Variants in CD96 observed in about 807,000 individuals in gnomAD.
CD96 encodes T-cell surface protein tactile.
Under a neutral mutation model 71.3 loss-of-function variants are expected in CD96, and 70 were observed. That is an observed-to-expected ratio of 0.98 (90% CI 0.81 to 1.20). The LOEUF is 1.20. Among genes scored for constraint, CD96 ranks in the 50% most tolerant of loss-of-function variants. CD96 has a pLI of 0.00. For missense variants in CD96, 742 were observed against 677.5 expected, an observed-to-expected ratio of 1.10 and a Z score of -1.06; for synonymous variants, 248 against 233.0, an observed-to-expected ratio of 1.06 and a Z score of -0.59.
chr3:111,597,683 A>G (rs961874683), intron 5 of CD96, among the ~76,000 whole-genome samples: 5 of 152,252 alleles, frequency 3.3e-5, no homozygotes, highest in African/African-American at 1.2e-4. Flanking sequence ...AGTGTCGTAC[A>G]TTATTTGGAG....
intron 4 of CD96, among the ~76,000 whole-genome samples, chr3:111,582,074 C>G (rs1466721708): frequency 6.6e-6 from 1 of 152,200 alleles, no homozygotes; most frequent in Non-Finnish European, 1.5e-5. Flanking sequence ...TCTACCATCT[C>G]TCCATCTGTA....
chr3:111,659,504 T>G (rs1456299142), intron 14 of CD96, among the ~76,000 whole-genome samples: 1 of 152,230 alleles, frequency 6.6e-6, no homozygotes, highest in Non-Finnish European at 1.5e-5. Context: ...CTTTAAACTT[T>G]CCTCTTAACA....
intron 8 of CD96, among the ~76,000 whole-genome samples, chr3:111,620,909 C>T (rs1204995171): frequency 6.6e-6 from 1 of 152,164 alleles, no homozygotes; most frequent in Non-Finnish European, 1.5e-5. Flanking sequence ...CCTGCAGTAA[C>T]CCTTGAGAAA....
chr3:111,640,159 C>T (rs1233853587), intron 12 of CD96, among the ~76,000 whole-genome samples: 1 of 151,994 alleles, frequency 6.6e-6, no homozygotes, highest in East Asian at 1.9e-4. Flanking sequence ...AGAAAGAATT[C>T]AGGAGATTAG....
At chr3:111,656,241 T>C, downstream of CD96, among the ~76,000 whole-genome samples, 1 of 152,242 alleles carries the variant, frequency 6.6e-6, no homozygotes, top group South Asian at 2.1e-4. Context: ...AAATGACTCT[T>C]AATCATTTGA....
At chr3:111,561,913 G>A (rs1305321363) in intron 2 of CD96, among the ~76,000 whole-genome samples, 1 of 149,218 alleles carries the variant, frequency 6.7e-6, no homozygotes, top group Admixed American at 6.6e-5. Flanking sequence ...GTCTCGTGGT[G>A]CGCCGTTTTT....
At chr3:111,566,649 T>C (rs1935727004) in intron 2 of CD96, among the ~76,000 whole-genome samples, 1 of 152,186 alleles carries the variant, frequency 6.6e-6, no homozygotes, top group Non-Finnish European at 1.5e-5. Context: ...TGCTATAGTT[T>C]AGTCACAAAT....
At position 111,578,206 on chromosome 3, in the gene CD96, C is replaced by T. The variant is rs567062206; in HGVS notation, c.544-821C>T. ...CCCTAGTGAGCACTTTTATTGACAT[C>T]AACCAACACTGTGACACCCCAGGGA... On this transcript the variant is annotated intron_variant, in intron 3 of 13. Transcript: ENST00000352690. Among the ~76,000 whole-genome samples, 8 of 152,300 alleles carry T rather than the reference C, an allele frequency of 5.3e-5. No homozygotes were observed. In the South Asian group the frequency reaches 6.2e-4, roughly 12 times the overall value.
At position 111,567,648 on chromosome 3, in the gene CD96, G is replaced by A; in HGVS notation, c.543+1G>A. ...TGAGTTCACCTATGCATGGTCGGTG[G>A]TAAGTGTTGCCCTTTTCAGTGAATA... On this transcript the variant is annotated splice_donor_variant, in intron 3 of 13. Transcript: ENST00000352690. LOFTEE classifies it high-confidence loss of function. 6.2e-7 allele frequency: 1 copy of A among 1,613,000 alleles called. No individual in the cohort carries two copies. The highest frequency in any genetic ancestry group is 1.1e-5 in the South Asian group (1 of 91,056).
chr3:111,622,292 T>C (rs1938552925), intron 8 of CD96, among the ~76,000 whole-genome samples: 1 of 152,222 alleles, frequency 6.6e-6, no homozygotes, highest in African/African-American at 2.4e-5. Context: ...TCAAGTGGCC[T>C]ATAGTTAGAA....
At position 111,596,522 on chromosome 3, in the gene CD96, C is replaced by T. The variant is rs1189654396; in HGVS notation, c.808-1598C>T. ...CGTAAAATAATAACACCCCCACTTA[C>T]TCCTGATATTACCATATCGTCATCT... On this transcript the variant is annotated intron_variant, in intron 5 of 13. Transcript: ENST00000352690. Among the ~76,000 whole-genome samples, 5 of 152,190 alleles carry T rather than the reference C, an allele frequency of 3.3e-5. No homozygotes were observed. The South Asian group carries it at 1.0e-3, about 32-fold the overall frequency.
At chr3:111,622,774 A>G (rs1938574869) in intron 8 of CD96, among the ~76,000 whole-genome samples, 1 of 152,176 alleles carries the variant, frequency 6.6e-6, no homozygotes, top group Admixed American at 6.5e-5. Context: ...TAATCACAAC[A>G]AAAAGAATAA....
rs1198318185 is a variant in CD96, at chr3:111,651,500, C to T, written c.*1694C>T. Reference sequence around the variant, plus strand: ...GGCTAGGTCACAAAATACACTGTGGCTTCTTCTTTGATCTCTCTTTGACCA... The same window carrying T: ...GGCTAGGTCACAAAATACACTGTGGTTTCTTCTTTGATCTCTCTTTGACCA... On this transcript the variant is annotated 3_prime_UTR_variant, in exon 14 of 14. Coordinates refer to ENST00000352690, the MANE Select transcript of CD96 (RefSeq NM_005816.5). 1 of 152,242 alleles carries T rather than the reference C, an allele frequency of 6.6e-6. No homozygotes were observed. The highest frequency in any genetic ancestry group is 1.5e-5 in the Non-Finnish European group (1 of 68,076). The allele number at this position is 152,242 out of a possible 1,614,324, so 9.4% of individuals were successfully genotyped here. A position where few individuals can be genotyped will look rare whatever the true frequency, so the allele number is the denominator to read the frequency against.
intron 1 of CD96, among the ~76,000 whole-genome samples, chr3:111,544,231 G>A (rs975411921): frequency 1.3e-5 from 2 of 151,952 alleles, no homozygotes; most frequent in African/African-American, 2.4e-5. Flanking sequence ...TGTAATCTCC[G>A]CCTCCCAGGT....
chr3:111,588,956 T>C (rs1237941761), intron 5 of CD96, among the ~76,000 whole-genome samples: 24 of 117,610 alleles, frequency 2.0e-4, no homozygotes, highest in South Asian at 1.1e-3. Context: ...TTTTTTTTCT[T>C]TTTTTTTTTT....
chr3:111,569,585 C>T (rs1201170716), intron 3 of CD96, among the ~76,000 whole-genome samples: 1 of 152,204 alleles, frequency 6.6e-6, no homozygotes, highest in Non-Finnish European at 1.5e-5. Context: ...GCAGAAAGTT[C>T]CTATCCCAGT....
At position 111,650,417 on chromosome 3, in the gene CD96, T is replaced by G. The variant is rs1297441523; in HGVS notation, c.*611T>G. Reference sequence around the variant, plus strand: ...TCCTACCATGTTCAGCCCAGACTCCTGCCACATGGACCAGGATGAAGAGGG... The same window carrying G: ...TCCTACCATGTTCAGCCCAGACTCCGGCCACATGGACCAGGATGAAGAGGG... On this transcript the variant is annotated 3_prime_UTR_variant, in exon 14 of 14. Transcript: ENST00000352690. 6.3e-6 allele frequency: 1 copy of G among 158,802 alleles called. No individual in the cohort carries two copies. The highest frequency in any genetic ancestry group is 2.4e-5 in the African/African-American group (1 of 41,496). 9.8% of individuals were successfully genotyped at this position (158,802 alleles called of 1,614,324 possible). A position where few individuals can be genotyped will look rare whatever the true frequency, so the allele number is the denominator to read the frequency against.
chr3:111,658,362 CAGAG>C (rs1940281365), intron 14 of CD96, among the ~76,000 whole-genome samples: 1 of 152,040 alleles, frequency 6.6e-6, no homozygotes, highest in Non-Finnish European at 1.5e-5. Flanking sequence ...CAGAGAGAGA[CAGAG>C]AGAGAAAGGA....
At chr3:111,659,928 T>G (rs1405572379) in intron 14 of CD96, among the ~76,000 whole-genome samples, 3 of 152,166 alleles carry the variant, frequency 2.0e-5, no homozygotes, top group Non-Finnish European at 4.4e-5. Flanking sequence ...TCATACTGAA[T>G]AGGCAAAAGC....
Sources: allele counts gnomAD v4.1 joint callset (sites outside exome capture counted in the v4.1 genomes callset), GRCh38; gene constraint gnomAD v4.1.1; transcripts MANE v1.5; gene names NCBI Gene and HGNC (gene_info 2026-07-23, HGNC 2026-07-21).